Variants in KIAA1549L observed in about 807,000 individuals in gnomAD.
The protein encoded by KIAA1549L is KIAA1549 like.
KIAA1549L carries 88 observed loss-of-function variants against 160.7 expected under a neutral mutation model. That is an observed-to-expected ratio of 0.55 (90% confidence interval 0.46 to 0.65). KIAA1549L has a LOEUF of 0.65. Ranked by LOEUF, KIAA1549L falls within the 30% of genes least tolerant of loss-of-function variation. The pLI is 0.00. For missense variants in KIAA1549L, 2,258 were observed against 2,437.5 expected (o/e 0.93, Z 1.55); for synonymous variants, 950 against 976.7 (o/e 0.97, Z 0.51).
chr11:33,387,607 A>G (rs1441624026), intron 1 of KIAA1549L, among the ~76,000 whole-genome samples: 1 of 145,454 alleles, frequency 6.9e-6, no homozygotes, highest in Non-Finnish European at 1.5e-5. Flanking sequence ...TTCCTGGCCC[A>G]TTTTCTCATT....
intron 11 of KIAA1549L, among the ~76,000 whole-genome samples, chr11:33,587,974 C>G (rs78864526): frequency 0.038 from 5,848 of 152,266 alleles, 155 homozygotes; most frequent in Non-Finnish European, 0.059. Context: ...CTCATCAAAT[C>G]GTGGTTAGAT....
chr11:33,475,405 T>C (rs1006159426), intron 1 of KIAA1549L, among the ~76,000 whole-genome samples: 2 of 152,044 alleles, frequency 1.3e-5, no homozygotes, highest in African/African-American at 4.8e-5. Context: ...AAAAAATATG[T>C]TTTTGGCCAG....
Position 33,542,705 on chromosome 11 carries a change from C to G in KIAA1549L, c.1142C>G (p.Ser381Ter). 6.2e-6 allele frequency: 10 copies of G among 1,613,988 alleles called. No homozygotes were observed. The highest frequency in any genetic ancestry group is 8.5e-6 in the Non-Finnish European group (10 of 1,179,880). The change falls in exon 2 of 21, where the codon TCA (serine) becomes TGA (stop). Residue 381 changes from serine (S) to a stop codon, truncating the protein, a stop_gained. Transcript: ENST00000658780. LOFTEE classifies it high-confidence loss of function. ...SPSWSMLEVA[S>*]GPASTQQIKA... ...TCATGGTCAATGTTGGAAGTGGCTT[C>G]AGGTCCTGCATCCACCCAGCAGATC...
chr11:33,616,356 G>T (rs1032236568), intron 15 of KIAA1549L, among the ~76,000 whole-genome samples: 1 of 152,076 alleles, frequency 6.6e-6, no homozygotes, highest in Non-Finnish European at 1.5e-5. Flanking sequence ...CCTAGCAAAA[G>T]CCCTGAGACT....
chr11:33,662,482 C>T (rs930467326), intron 20 of KIAA1549L, among the ~76,000 whole-genome samples: 3 of 152,070 alleles, frequency 2.0e-5, no homozygotes, highest in African/African-American at 4.8e-5. Context: ...GTTTGGGGGC[C>T]TTTTTTGTGT....
At chr11:33,483,166 C>T (rs1049809401) in intron 1 of KIAA1549L, among the ~76,000 whole-genome samples, 3 of 152,142 alleles carry the variant, frequency 2.0e-5, no homozygotes, top group Non-Finnish European at 4.4e-5. Context: ...GGAGTTAAAG[C>T]CTTTACCTCA....
chr11:33,610,103 G>T, intron 15 of KIAA1549L, 137 bp downstream of exon 15: 2 of 658,382 alleles, frequency 3.0e-6, no homozygotes, highest in Non-Finnish European at 5.3e-6. Context: ...GTACCACGCT[G>T]GTCTGTGCAA....
chr11:33,563,966 C>T (rs1188687640), intron 8 of KIAA1549L, among the ~76,000 whole-genome samples: 1 of 152,176 alleles, frequency 6.6e-6, no homozygotes, highest in Non-Finnish European at 1.5e-5. Flanking sequence ...TAACCTTAAT[C>T]AAAAGCTCCA....
intron 1 of KIAA1549L, among the ~76,000 whole-genome samples, chr11:33,465,181 A>G (rs544613669): frequency 6.9e-6 from 1 of 145,454 alleles, no homozygotes; most frequent in East Asian, 2.0e-4. Flanking sequence ...TCAGCCTCCC[A>G]AGTAGCTGGG....
intron 18 of KIAA1549L, 128 bp downstream of exon 18, chr11:33,656,237 C>T: frequency 1.5e-6 from 1 of 685,098 alleles, no homozygotes; most frequent in Non-Finnish European, 2.6e-6. Flanking sequence ...GTCACCTGTA[C>T]AGACAACCAT....
chr11:33,527,735 G>GA (rs1258749166), intron 1 of KIAA1549L, among the ~76,000 whole-genome samples: 4 of 151,952 alleles, frequency 2.6e-5, no homozygotes, highest in Non-Finnish European at 4.4e-5. Flanking sequence ...AAATCAGCAA[G>GA]AAAAAAACAA....
rs533023441 is a variant in KIAA1549L, at chr11:33,588,210, C to T, written c.4567-3027C>T. Among the ~76,000 whole-genome samples, 204 of 152,242 alleles carry T rather than the reference C, an allele frequency of 1.3e-3. 2 individuals are homozygous for T. The highest frequency in any genetic ancestry group is 4.6e-3 in the African/African-American group (190 of 41,542). On this transcript the variant is annotated intron_variant, in intron 11 of 20. Transcript: ENST00000658780. Reference sequence around the variant, plus strand: ...ATATCAAATGAAGCTGAAACTGAGCCGCTTGAGGGTGAGGAACCAGTTATT... The same window carrying T: ...ATATCAAATGAAGCTGAAACTGAGCTGCTTGAGGGTGAGGAACCAGTTATT...
rs1246242442 is a variant in KIAA1549L at position 33,552,948 on chromosome 11, CCTGTGT to C, written c.3855+709_3855+714del. ...TGTAGAAATGGGGTCCTTAATGAAG[CCTGTGT>C]CAAACAACAGAATTCTTTCCCAGGG... On this transcript the variant is annotated intron_variant, in intron 6 of 20. Coordinates refer to ENST00000658780, the MANE Select transcript of KIAA1549L (RefSeq NM_012194.3). Among the ~76,000 whole-genome samples the C allele has an allele frequency of 8.6e-5, 13 of 151,912 alleles. 1 individual carries two copies. The highest frequency in any genetic ancestry group is 5.9e-4 in the Admixed American group (9 of 15,250).
intron 17 of KIAA1549L, 28 bp downstream of exon 17, chr11:33,646,064 A>G: frequency 2.0e-6 from 3 of 1,502,886 alleles, no homozygotes; most frequent in Non-Finnish European, 2.7e-6. Context: ...CCCACCTGCC[A>G]TCATCTGGTC....
chr11:33,501,287 T>C (rs936108947), intron 1 of KIAA1549L, among the ~76,000 whole-genome samples: 1 of 152,234 alleles, frequency 6.6e-6, no homozygotes, highest in Middle Eastern at 3.2e-3. Flanking sequence ...CAAATACATT[T>C]TAAGATCAAT....
At chr11:33,626,190 G>T (rs1187095732) in intron 16 of KIAA1549L, among the ~76,000 whole-genome samples, 8 of 145,292 alleles carry the variant, frequency 5.5e-5, no homozygotes, top group Non-Finnish European at 9.1e-5. Flanking sequence ...AAGTCAGGTA[G>T]TGTGATGCCT....
intron 1 of KIAA1549L, among the ~76,000 whole-genome samples, chr11:33,444,534 G>C (rs1018549554): frequency 3.3e-5 from 5 of 152,196 alleles, no homozygotes; most frequent in Admixed American, 3.3e-4. Flanking sequence ...GGGAAGATGG[G>C]AGGAGAGACT....
At chr11:33,639,435 A>G (rs1407202028) in intron 16 of KIAA1549L, among the ~76,000 whole-genome samples, 2 of 152,184 alleles carry the variant, frequency 1.3e-5, no homozygotes, top group African/African-American at 2.4e-5. Context: ...CTGATATACC[A>G]TAACTCTCCA....
At chr11:33,409,054 G>A (rs1446477586) in intron 1 of KIAA1549L, among the ~76,000 whole-genome samples, 1 of 151,320 alleles carries the variant, frequency 6.6e-6, no homozygotes, top group Non-Finnish European at 1.5e-5. Flanking sequence ...CAACACAATA[G>A]TCAGAGGTTA....
Sources: gnomAD v4.1 joint callset for allele counts (sites outside exome capture counted in the v4.1 genomes callset) on GRCh38, gnomAD v4.1.1 for gene constraint, MANE v1.5 for transcripts, NCBI Gene and HGNC (gene_info 2026-07-23, HGNC 2026-07-21) for gene names.